COL9A2: variants seen among roughly 807,000 people sequenced by gnomAD.
The protein encoded by COL9A2 is collagen alpha-2(IX) chain.
In COL9A2, 66 loss-of-function variants were observed where a neutral mutation model predicts 111.6. The ratio of observed to expected loss-of-function variants is 0.59; its 90% CI spans 0.48 to 0.73. The LOEUF is 0.73. COL9A2 is among the 30% of genes least tolerant of loss of function. The pLI is 0.00. For missense variants in COL9A2, 881 were observed against 954.1 expected (o/e 0.92, Z 1.01); for synonymous variants, 353 against 364.1 (o/e 0.97, Z 0.35).
chr1:40,311,592 C>T lies in COL9A2; in HGVS notation c.472-45G>A, dbSNP rs370404590. The stretch of plus-strand genomic sequence containing the variant: ...TGGAGCTTGGCCTGACCCTTTCCCG[C>T]CGCAGGCTTGCTCAAAGACCCTTCT... On this transcript the variant is annotated intron_variant, in intron 9 of 31. Transcript: ENST00000372748. This position sits in a 1 kb window ranked among gnomAD's most constrained non-coding sequence, Gnocchi z 5.1. 4 of 1,613,848 alleles carry T rather than the reference C, an allele frequency of 2.5e-6. No individual in the cohort carries two copies. The highest frequency in any genetic ancestry group is 3.4e-6 in the Non-Finnish European group (4 of 1,179,904).
In COL9A2 at chr1:40,307,717, T is replaced by C. The variant is rs1644052185; in HGVS notation, c.940A>G (p.Thr314Ala). Residue 314 changes from threonine to alanine, a missense_variant, in exon 18 of 32, where the codon ACG becomes GCG. Transcript: ENST00000372748. This position sits in a 1 kb window ranked among gnomAD's most constrained non-coding sequence, Gnocchi z 4.8. ...CCCACTCCTACCTTCATGCCAGGCG[T>C]GCCTGGGGTCCCATCCTTGCCGTTG... ...GINGKDGTPG[T>A]PGMKGSAGQA... The C allele has an allele frequency of 1.9e-6, 3 of 1,614,176 alleles. No homozygotes were observed. The highest frequency in any genetic ancestry group is 2.5e-6 in the Non-Finnish European group (3 of 1,180,028).
In COL9A2 at chr1:40,301,232, C is replaced by T. The variant is rs749736976; in HGVS notation, c.2020G>A (p.Ala674Thr). Residue 674 changes from alanine (A) to threonine (T), a missense_variant, in exon 32 of 32, where the codon GCC becomes ACC. Ala to Thr is a moderately conservative substitution (Grantham distance 58). Transcript: ENST00000372748. ...CEPAACLGAS[A>T]YASARLTEPG... ...TCTGTAAGGCGGGCAGAGGCATAGG[C>T]CGAAGCTCCAAGGCAGGCGGCAGGT... is the stretch of plus-strand genomic sequence containing the variant. The T allele has an allele frequency of 1.2e-6, 2 of 1,614,096 alleles. No individual in the cohort carries two copies. Among genetic ancestry groups the T allele is most frequent in the Non-Finnish European group, 1.7e-6 (2 of 1,180,018 alleles).
intron 31 of COL9A2, 48 bp downstream of exon 31, chr1:40,301,764 T>C (rs750760762): frequency 9.5e-6 from 15 of 1,574,198 alleles, no homozygotes; most frequent in South Asian, 7.8e-5. Context: ...ACGTCATTAA[T>C]TCCCAAGCTG....
At chr1:40,309,863 A>G (rs1316126371) in intron 16 of COL9A2, 75 bp downstream of exon 16, 1 of 1,456,706 alleles carries the variant, frequency 6.9e-7, no homozygotes, top group Non-Finnish European at 9.6e-7. Context: ...TCACACACAC[A>G]GCCTTAGGGG....
rs1336408435 is a variant in COL9A2 at position 40,316,549 on chromosome 1, C to G, written c.75+574G>C. The G allele has an allele frequency of 4.4e-6, 2 of 450,712 alleles. No individual in the cohort carries two copies. The highest frequency in any genetic ancestry group is 4.5e-6 in the Non-Finnish European group (1 of 224,450). The allele number at this position is 450,712 out of a possible 1,614,324, so 27.9% of individuals were successfully genotyped here. A position where few individuals can be genotyped will look rare whatever the true frequency, so the allele number is the denominator to read the frequency against. On this transcript the variant is annotated intron_variant, in intron 1 of 31. Transcript: ENST00000372748. This position sits in a 1 kb window ranked among gnomAD's most constrained non-coding sequence, Gnocchi z 5.5. The stretch of plus-strand genomic sequence containing the variant: ...CCAGCTCGGACCCAGGCAGGGGTCC[C>G]GGTGCCCACGACCTCCCCAGGCCGC...
chr1:40,317,259 C>T lies in COL9A2; in HGVS notation c.-62G>A. 1 of 1,349,372 alleles carries T rather than the reference C, an allele frequency of 7.4e-7. No homozygotes were observed. The highest frequency in any genetic ancestry group is 1.0e-6 in the Non-Finnish European group (1 of 966,682). The allele number at this position is 1,349,372 out of a possible 1,614,324, so 83.6% of individuals were successfully genotyped here. On this transcript the variant is annotated 5_prime_UTR_variant, in exon 1 of 32. Coordinates refer to ENST00000372748, the MANE Select transcript of COL9A2 (RefSeq NM_001852.4). The surrounding 1 kb of genome is among the most constrained non-coding windows in gnomAD (Gnocchi z 4.3). ...CGCGCACGCACCGACGGCAGAGTCT[C>T]CCGGCGCTCCTCCAGCGCTGGCTGT...
Position 40,307,483 on chromosome 1 carries a change from G to A in COL9A2, c.971C>T (p.Ala324Val), listed in dbSNP as rs372004899. The A allele has an allele frequency of 1.9e-5, 30 of 1,614,046 alleles. No individual in the cohort carries two copies. Among genetic ancestry groups the A allele is most frequent in the Non-Finnish European group, 2.3e-5 (27 of 1,180,014 alleles). The change falls in exon 19 of 32, where the codon GCG becomes GTG. Residue 324 changes from alanine (A) to valine (V), a missense_variant. Ala to Val is a moderately conservative substitution (Grantham distance 64). Transcript: ENST00000372748. The surrounding 1 kb of genome is among the most constrained non-coding windows in gnomAD (Gnocchi z 4.8). Reference sequence around the variant, plus strand: ...GTGGCCTGGACTTCCGGGCTGTCCCGCCTGTCCTGCACTGCCCTGGGATAG... The same window carrying A: ...GTGGCCTGGACTTCCGGGCTGTCCCACCTGTCCTGCACTGCCCTGGGATAG... ...TPGMKGSAGQ[A>V]GQPGSPGHQG...
Position 40,305,753 on chromosome 1 carries a change from G to T in COL9A2, c.1069C>A (p.Gln357Lys). Residue 357 changes from glutamine (Q) to lysine (K), a missense_variant, in exon 21 of 32, where the codon CAG becomes AAG. Coordinates refer to ENST00000372748, the MANE Select transcript of COL9A2 (RefSeq NM_001852.4). ...GPGDQGEPGP[Q>K]GLPGFSGPPG... The stretch of plus-strand genomic sequence containing the variant: ...GGACCAGAGAATCCAGGAAGGCCCT[G>T]CGGGCCCGGCTCACCCTGCAGGAAA... 6.2e-7 allele frequency: 1 copy of T among 1,614,138 alleles called. No individual in the cohort carries two copies. Among genetic ancestry groups the T allele is most frequent in the Non-Finnish European group, 8.5e-7 (1 of 1,180,010 alleles).
chr1:40,302,554 G>A lies in COL9A2; in HGVS notation c.1792+67C>T. Reference sequence around the variant, plus strand: ...TGTATGTCATCCTGAGAAGGGAATGGGGAAAGGGCCGGCCTGGACAAATCC... The same window carrying A: ...TGTATGTCATCCTGAGAAGGGAATGAGGAAAGGGCCGGCCTGGACAAATCC... On this transcript the variant is annotated intron_variant, in intron 30 of 31. Transcript: ENST00000372748. This position sits in a 1 kb window ranked among gnomAD's most constrained non-coding sequence, Gnocchi z 4.5. 6.6e-7 allele frequency: 1 copy of A among 1,520,458 alleles called. No individual in the cohort carries two copies. Among genetic ancestry groups the A allele is most frequent in the Middle Eastern group, 2.3e-4 (1 of 4,330 alleles). The allele number at this position is 1,520,458 out of a possible 1,614,324, so 94.2% of individuals were successfully genotyped here. A position where few individuals can be genotyped will look rare whatever the true frequency, so the allele number is the denominator to read the frequency against.
rs1207985087 is a variant in COL9A2 at position 40,314,287 on chromosome 1, C to A, written c.187-20G>T. The A allele has an allele frequency of 6.2e-7, 1 of 1,614,184 alleles. No individual in the cohort carries two copies. The highest frequency in any genetic ancestry group is 1.7e-5 in the Admixed American group (1 of 60,016). ...GGGTCCCTTGAAAACAGAGATGGAA[C>A]AAACATGAGCCAGAGGAGGGCAAGA... On this transcript the variant is annotated intron_variant, in intron 3 of 31. Transcript: ENST00000372748. The surrounding 1 kb of genome is among the most constrained non-coding windows in gnomAD (Gnocchi z 4.1).
At chr1:40,306,620 CA>C (rs11324529) in intron 19 of COL9A2, among the ~76,000 whole-genome samples, 13,107 of 151,952 alleles carry the variant, frequency 0.086, 1,004 homozygotes, top group African/African-American at 0.2. Flanking sequence ...GCATTTCAAA[CA>C]GAGGGACCAG....
chr1:40,306,454 C>T (rs1223156782), intron 19 of COL9A2, among the ~76,000 whole-genome samples: 3 of 152,184 alleles, frequency 2.0e-5, no homozygotes, highest in African/African-American at 7.2e-5. Flanking sequence ...CATGTGAGTG[C>T]ACGCAGGAAC....
At position 40,306,593 on chromosome 1, in the gene COL9A2, CAA is replaced by C. The variant is rs368854462; in HGVS notation, c.1009-408_1009-407del. On this transcript the variant is annotated intron_variant, in intron 19 of 31. Coordinates refer to ENST00000372748, the MANE Select transcript of COL9A2 (RefSeq NM_001852.4). ...GATGGCCCTGAACGATAAGAAGGCA[CAA>C]AGAGACCAGAAAGGGCATTTCAAAC... 3.4e-3 allele frequency among the ~76,000 whole-genome samples: 516 copies of C among 151,686 alleles called. 3 individuals carry two copies. Among genetic ancestry groups the C allele is most frequent in the African/African-American group, 0.012 (495 of 41,146 alleles).
intron 16 of COL9A2, among the ~76,000 whole-genome samples, chr1:40,308,927 C>A (rs1304230471): frequency 1.3e-5 from 2 of 152,100 alleles, no homozygotes; most frequent in African/African-American, 4.8e-5. Flanking sequence ...CACTGGTTTT[C>A]TGTATAGTTA....
chr1:40,314,288 A>G lies in COL9A2; in HGVS notation c.187-21T>C. 1.2e-6 allele frequency: 2 copies of G among 1,614,204 alleles called. No individual in the cohort carries two copies. The highest frequency in any genetic ancestry group is 1.7e-6 in the Non-Finnish European group (2 of 1,180,034). Reference sequence around the variant, plus strand: ...GGTCCCTTGAAAACAGAGATGGAACAAACATGAGCCAGAGGAGGGCAAGAG... The same window carrying G: ...GGTCCCTTGAAAACAGAGATGGAACGAACATGAGCCAGAGGAGGGCAAGAG... On this transcript the variant is annotated intron_variant, in intron 3 of 31. Coordinates refer to ENST00000372748, the MANE Select transcript of COL9A2 (RefSeq NM_001852.4). This position sits in a 1 kb window ranked among gnomAD's most constrained non-coding sequence, Gnocchi z 4.1.
chr1:40,310,862 A>G lies in COL9A2; in HGVS notation c.631-95T>C. On this transcript the variant is annotated intron_variant, in intron 12 of 31. Coordinates refer to ENST00000372748, the MANE Select transcript of COL9A2 (RefSeq NM_001852.4). The surrounding 1 kb of genome is among the most constrained non-coding windows in gnomAD (Gnocchi z 4.9). Reference sequence around the variant, plus strand: ...ACCACCTCTTTTCCCCAGCACAAGCAGACGGGAGGGACTACTACGAACCCT... The same window carrying G: ...ACCACCTCTTTTCCCCAGCACAAGCGGACGGGAGGGACTACTACGAACCCT... 7 of 1,152,870 alleles carry G rather than the reference A, an allele frequency of 6.1e-6. No individual in the cohort carries two copies. The highest frequency in any genetic ancestry group is 8.9e-6 in the Non-Finnish European group (7 of 785,850). The allele number at this position is 1,152,870 out of a possible 1,614,324, so 71.4% of individuals were successfully genotyped here. A position where few individuals can be genotyped will look rare whatever the true frequency, so the allele number is the denominator to read the frequency against.
rs769856745 is a variant in COL9A2, at chr1:40,307,514, TAACCAAAGATACAAATTA to T, written c.955-33_955-16del. ...CCTGCACTGCCCTGGGATAGACAGA[TAACCAAAGATACAAATTA>T]AAGCTCCAGCCAGAGGGCCATGGCT... On this transcript the variant is annotated splice_polypyrimidine_tract_variant and intron_variant, in intron 18 of 31. Transcript: ENST00000372748. The surrounding 1 kb of genome is among the most constrained non-coding windows in gnomAD (Gnocchi z 4.8). 1 of 1,613,984 alleles carries T rather than the reference TAACCAAAGATACAAATTA, an allele frequency of 6.2e-7. No homozygotes were observed. The highest frequency in any genetic ancestry group is 2.2e-5 in the East Asian group (1 of 44,876).
At position 40,316,657 on chromosome 1, in the gene COL9A2, G is replaced by A. The variant is rs970292316; in HGVS notation, c.75+466C>T. On this transcript the variant is annotated intron_variant, in intron 1 of 31. Coordinates refer to ENST00000372748, the MANE Select transcript of COL9A2 (RefSeq NM_001852.4). The surrounding 1 kb of genome is among the most constrained non-coding windows in gnomAD (Gnocchi z 5.5). ...GGCCCAGTCTCTGCCCTACCCGCGCGCCCGCAGCCCCCGGCGGCCCTCGGA... is the reference window on the plus strand; with the variant it reads ...GGCCCAGTCTCTGCCCTACCCGCGCACCCGCAGCCCCCGGCGGCCCTCGGA... The A allele has an allele frequency of 2.3e-6, 1 of 437,412 alleles. No individual in the cohort carries two copies. The highest frequency in any genetic ancestry group is 9.1e-5 in the East Asian group (1 of 11,040). 27.1% of individuals were successfully genotyped at this position (437,412 alleles called of 1,614,324 possible).
Position 40,312,109 on chromosome 1 carries a change from GCCCC to G in COL9A2, c.364-1_366del. ...CCAGGGAGGCCAACAGGTCCAGGAG[GCCCC>G]TGGGGAGCAGAGAGTTGATGGTCAG... On this transcript the variant is annotated splice_acceptor_variant and coding_sequence_variant, in exon 8 of 32. Transcript: ENST00000372748. LOFTEE classifies it high-confidence loss of function. This position sits in a 1 kb window ranked among gnomAD's most constrained non-coding sequence, Gnocchi z 6.0. The G allele has an allele frequency of 1.2e-6, 2 of 1,600,660 alleles. No individual in the cohort carries two copies. The highest frequency in any genetic ancestry group is 1.7e-6 in the Non-Finnish European group (2 of 1,175,306).
Sources: allele counts gnomAD v4.1 joint callset (sites outside exome capture counted in the v4.1 genomes callset), GRCh38; gene constraint gnomAD v4.1.1; non-coding constraint Gnocchi (gnomAD v3.1); transcripts MANE v1.5; gene names NCBI Gene and HGNC (gene_info 2026-07-23, HGNC 2026-07-21).